The following ATP13A3 variants were observed in gnomAD, a reference collection of about 807,000 sequenced individuals.
ATP13A3 encodes ATPase 13A3.
ATP13A3 carries 59 observed loss-of-function variants against 158.1 expected under a neutral mutation model. That is an observed-to-expected ratio of 0.37 (90% CI 0.30 to 0.46). The LOEUF is 0.46. Among genes scored for constraint, ATP13A3 ranks in the 20% least tolerant of loss-of-function variants. The pLI is 1.00. For missense variants in ATP13A3, 1,166 were observed against 1,525.2 expected, an observed-to-expected ratio of 0.76 and a Z score of 3.92; for synonymous variants, 491 against 504.3, an observed-to-expected ratio of 0.97 and a Z score of 0.35.
At chr3:194,450,379 A>G in intron 10 of ATP13A3, 103 bp from the exon 11 acceptor site, 2 of 1,137,208 alleles carry the variant, frequency 1.8e-6, no homozygotes, top group Non-Finnish European at 2.5e-6. Flanking sequence ...TAAGAAGTTT[A>G]TAATGGGGTA....
At chr3:194,447,174 G>T (rs1373304797) in intron 13 of ATP13A3, 59 bp from the exon 14 acceptor site, 37 of 1,410,374 alleles carry the variant, frequency 2.6e-5, no homozygotes, top group Non-Finnish European at 3.2e-5. Context: ...ATTTAATATG[G>T]GTATTTCTTT....
In ATP13A3 at chr3:194,413,750, A is replaced by C; in HGVS notation, c.3483+9T>G. ...AACATGGTAGCCATTTGACTATGGA[A>C]GTGCTTACCTCCACTGTGATAGACA... On this transcript the variant is annotated intron_variant, in intron 32 of 33. Coordinates refer to ENST00000645319, the MANE Select transcript of ATP13A3 (RefSeq NM_001367549.1). 1 of 1,606,112 alleles carries C rather than the reference A, an allele frequency of 6.2e-7. No homozygotes were observed.
At chr3:194,407,268 A>C (rs1007311790) in intron 33 of ATP13A3, among the ~76,000 whole-genome samples, 2 of 152,198 alleles carry the variant, frequency 1.3e-5, no homozygotes, top group African/African-American at 4.8e-5. Flanking sequence ...TCAACATATA[A>C]ACCAGGCTAC....
In ATP13A3 at chr3:194,404,185, C is replaced by T. The variant is rs747642175; in HGVS notation, c.*1734G>A. On this transcript the variant is annotated 3_prime_UTR_variant, in exon 34 of 34. Transcript: ENST00000645319. The stretch of plus-strand genomic sequence containing the variant: ...TTCACAGCTCAAGAGGTCTAAGATG[C>T]ATAGCTTCATAGAATCATTCATGGA... 1.6e-5 allele frequency: 7 copies of T among 431,878 alleles called. No individual in the cohort carries two copies. Among genetic ancestry groups the T allele is most frequent in the South Asian group, 5.0e-5 (3 of 59,958 alleles). The allele number at this position is 431,878 out of a possible 1,614,324, so 26.8% of individuals were successfully genotyped here.
chr3:194,480,899 C>T (rs766755899), intron 2 of ATP13A3, among the ~76,000 whole-genome samples: 6 of 152,200 alleles, frequency 3.9e-5, no homozygotes, highest in Non-Finnish European at 7.3e-5. Context: ...CCTGTCAAAA[C>T]GGTCTCACAC....
chr3:194,457,573 C>A (rs1446134636), intron 6 of ATP13A3, among the ~76,000 whole-genome samples: 5 of 152,106 alleles, frequency 3.3e-5, no homozygotes, highest in African/African-American at 1.2e-4. Flanking sequence ...TTTTTAGCTA[C>A]ATAGTTTCTC....
At chr3:194,443,871 A>T (rs1049622467) in intron 15 of ATP13A3, among the ~76,000 whole-genome samples, 1 of 152,176 alleles carries the variant, frequency 6.6e-6, no homozygotes, top group Non-Finnish European at 1.5e-5. Context: ...AATAAAAAAG[A>T]CCTCTAACAA....
At chr3:194,417,396 GACAC>G (rs56119734) in intron 31 of ATP13A3, among the ~76,000 whole-genome samples, 18,839 of 117,968 alleles carry the variant, frequency 0.16, 1,405 homozygotes, top group Middle Eastern at 0.23. Context: ...GCCAGATTCT[GACAC>G]ACACACACAC....
At chr3:194,423,097 C>A (rs964003744) in intron 30 of ATP13A3, among the ~76,000 whole-genome samples, 2 of 151,902 alleles carry the variant, frequency 1.3e-5, no homozygotes, top group African/African-American at 4.8e-5. Flanking sequence ...AAGCCAAATC[C>A]CAAGAAATCA....
rs769448023 is a variant in ATP13A3 at position 194,460,815 on chromosome 3, T to C, written c.68A>G (p.Asn23Ser). Residue 23 changes from asparagine (N) to serine (S), a missense_variant, in exon 4 of 34, where the codon AAT (asparagine) becomes AGT (serine). Asn to Ser is a conservative substitution (Grantham distance 46). Coordinates refer to ENST00000645319, the MANE Select transcript of ATP13A3 (RefSeq NM_001367549.1). ...TATGGCAAGCTTCCAGCGACTCAAA[T>C]TGTAACCATAAATCTCCTGCATGGA... is the stretch of plus-strand genomic sequence containing the variant. ...QEDEMEIYGYNLSRWKLAIVS... is the reference protein window; with the variant it reads ...QEDEMEIYGYSLSRWKLAIVS... 3.1e-6 allele frequency: 5 copies of C among 1,613,794 alleles called. No individual in the cohort carries two copies. The highest frequency in any genetic ancestry group is 1.3e-5 in the African/African-American group (1 of 74,912).
At chr3:194,409,610 G>A (rs970098788) in intron 33 of ATP13A3, among the ~76,000 whole-genome samples, 8 of 150,432 alleles carry the variant, frequency 5.3e-5, no homozygotes, top group African/African-American at 1.7e-4. Context: ...GGTCTCCACC[G>A]AAGATTTCCA....
intron 20 of ATP13A3, among the ~76,000 whole-genome samples, chr3:194,436,015 T>C (rs1192048480): frequency 6.6e-6 from 1 of 152,236 alleles, no homozygotes; most frequent in Non-Finnish European, 1.5e-5. Flanking sequence ...TGTGAAGCTA[T>C]AAATTAAGAA....
chr3:194,460,961 C>G, intron 3 of ATP13A3, 130 bp from the exon 4 acceptor site: 1 of 999,894 alleles, frequency 1.0e-6, no homozygotes, highest in South Asian at 2.1e-5. Context: ...TAAATATTTT[C>G]CAATCCATAA....
chr3:194,481,674 C>T (rs1720756331), intron 2 of ATP13A3, among the ~76,000 whole-genome samples: 1 of 152,140 alleles, frequency 6.6e-6, no homozygotes, highest in African/African-American at 2.4e-5. Flanking sequence ...TTCACCTTAC[C>T]ACCCAACATC....
intron 30 of ATP13A3, among the ~76,000 whole-genome samples, chr3:194,421,312 G>A (rs1716352055): frequency 6.8e-6 from 1 of 147,224 alleles, no homozygotes; most frequent in African/African-American, 2.5e-5. Flanking sequence ...CTAGCACTTT[G>A]GGAGGCCGAG....
In ATP13A3 at chr3:194,429,781, A is replaced by C; in HGVS notation, c.2778-7T>G. 6.2e-7 allele frequency: 1 copy of C among 1,609,182 alleles called. No individual in the cohort carries two copies. The highest frequency in any genetic ancestry group is 8.5e-7 in the Non-Finnish European group (1 of 1,176,852). ...TAAAGCAGCACGGCCTTCCCTGTGAAAAGAAATCAAATGTCGGCATATGAA... is the reference window on the plus strand; with the variant it reads ...TAAAGCAGCACGGCCTTCCCTGTGACAAGAAATCAAATGTCGGCATATGAA... On this transcript the variant is annotated splice_region_variant and splice_polypyrimidine_tract_variant and intron_variant, in intron 26 of 33. Transcript: ENST00000645319.
At position 194,460,684 on chromosome 3, in the gene ATP13A3, A is replaced by G; in HGVS notation, c.199T>C (p.Cys67Arg). The change falls in exon 4 of 34, where the codon TGT (cysteine) becomes CGT (arginine). Residue 67 changes from cysteine (C) to arginine (R), a missense_variant. Cys to Arg is a radical substitution (Grantham distance 180). Coordinates refer to ENST00000645319, the MANE Select transcript of ATP13A3 (RefSeq NM_001367549.1). The stretch of plus-strand genomic sequence containing the variant: ...GTAGTCCTCAGCAGCACTACTTCAC[A>G]GTCTTTAATTGCAGCTCTGACACAG... ...ATCVRAAIKD[C>R]EVVLLRTTDE... 1 of 1,614,140 alleles carries G rather than the reference A, an allele frequency of 6.2e-7. No individual in the cohort carries two copies. The highest frequency in any genetic ancestry group is 8.5e-7 in the Non-Finnish European group (1 of 1,180,002).
At position 194,486,147 on chromosome 3, in the gene ATP13A3, G is replaced by A. The variant is rs114077837; in HGVS notation, c.-88-312C>T. Among the ~76,000 whole-genome samples, 1,222 of 152,210 alleles carry A rather than the reference G, an allele frequency of 8.0e-3. 11 individuals are homozygous for A. The highest frequency in any genetic ancestry group is 0.044 in the South Asian group (212 of 4,824). On this transcript the variant is annotated intron_variant, in intron 1 of 33. Transcript: ENST00000645319. The stretch of plus-strand genomic sequence containing the variant: ...AAGTCAGAAGTCACTTTTCCTCCAC[G>A]GGACTCACTCCTTTTATCTGTGAAA...
chr3:194,447,689 T>C (rs1414239536), intron 13 of ATP13A3, among the ~76,000 whole-genome samples, 163 bp downstream of exon 13: 1 of 152,028 alleles, frequency 6.6e-6, no homozygotes, highest in African/African-American at 2.4e-5. Context: ...CTTTCTAATA[T>C]CATAGCTACT....
Sources: allele counts gnomAD v4.1 joint callset (sites outside exome capture counted in the v4.1 genomes callset), GRCh38; gene constraint gnomAD v4.1.1; transcripts MANE v1.5; gene names NCBI Gene and HGNC (gene_info 2026-07-23, HGNC 2026-07-21).